Variants in KLF12 observed in about 807,000 individuals in gnomAD.
KLF12 encodes the protein Krueppel-like factor 12.
In KLF12, 9 loss-of-function variants were observed where a neutral mutation model predicts 37.8. That is an observed-to-expected ratio of 0.24 (90% CI 0.14 to 0.42). The LOEUF is 0.42. KLF12 is among the 10% of genes least tolerant of loss of function. KLF12 has a pLI of 1.00. For synonymous variants in KLF12, 208 were observed against 202.1 expected, an observed-to-expected ratio of 1.03 and a Z score of -0.25; for missense variants, 411 against 516.0, an observed-to-expected ratio of 0.80 and a Z score of 1.97.
At chr13:74,174,249 C>A in the KLF12 span, among the ~76,000 whole-genome samples, 1 of 151,958 alleles carries the variant, frequency 6.6e-6, no homozygotes, top group Non-Finnish European at 1.5e-5. Context: ...TGTCTATTGG[C>A]TCAAATTTAT....
intron 2 of KLF12, among the ~76,000 whole-genome samples, chr13:73,982,626 T>C (rs1002338184): frequency 6.6e-6 from 1 of 152,162 alleles, no homozygotes; most frequent in Non-Finnish European, 1.5e-5. Flanking sequence ...TTTATAATCA[T>C]AAATACACTT....
chr13:74,036,081 A>G (rs1193626372), intron 1 of KLF12, among the ~76,000 whole-genome samples: 2 of 151,228 alleles, frequency 1.3e-5, no homozygotes, highest in Non-Finnish European at 2.9e-5. Flanking sequence ...GCTCCTATAC[A>G]CTCCTATCCG....
In KLF12 at chr13:73,688,627, CG is replaced by C; in HGVS notation, c.*6862del. The C allele has an allele frequency of 6.6e-6, 1 of 152,128 alleles. No homozygotes were observed. The highest frequency in any genetic ancestry group is 2.4e-5 in the African/African-American group (1 of 41,428). 9.4% of individuals were successfully genotyped at this position (152,128 alleles called of 1,614,324 possible). On this transcript the variant is annotated 3_prime_UTR_variant, in exon 8 of 8. Transcript: ENST00000377669. ...ACATTTATGAGAAAAGTGACAAGTT[CG>C]GGGAGACAACTGGTTGCTATTGTTT...
intron 4 of KLF12, among the ~76,000 whole-genome samples, chr13:73,841,925 A>G (rs1884757951): frequency 6.6e-6 from 1 of 152,050 alleles, no homozygotes. Context: ...TGTTTACTAT[A>G]CCTTCTAGGA....
At chr13:74,194,245 A>T in the KLF12 span, among the ~76,000 whole-genome samples, 1 of 152,200 alleles carries the variant, frequency 6.6e-6, no homozygotes. Flanking sequence ...TGAGTTCTGG[A>T]ACCAGAATAT....
intron 2 of KLF12, among the ~76,000 whole-genome samples, chr13:73,946,062 C>T (rs997308651): frequency 6.6e-6 from 1 of 152,144 alleles, no homozygotes; most frequent in African/African-American, 2.4e-5. Flanking sequence ...AGCCGGCCAG[C>T]CCTCGACTCT....
intron 5 of KLF12, among the ~76,000 whole-genome samples, chr13:73,807,431 A>T (rs987689853): frequency 1.3e-5 from 2 of 152,204 alleles, no homozygotes; most frequent in African/African-American, 4.8e-5. Flanking sequence ...AGTACCAAAG[A>T]TAAGACTATA....
At chr13:73,790,914 GAA>G in intron 5 of KLF12, among the ~76,000 whole-genome samples, 1 of 152,170 alleles carries the variant, frequency 6.6e-6, no homozygotes. Flanking sequence ...TCTCTTCCAT[GAA>G]AGTCTCCCCT....
intron 5 of KLF12, among the ~76,000 whole-genome samples, chr13:73,789,837 C>T (rs1206311369): frequency 2.6e-5 from 4 of 152,026 alleles, no homozygotes; most frequent in African/African-American, 7.2e-5. Flanking sequence ...CCACTACGCC[C>T]GGTTTATTTT....
chr13:74,227,151 C>G, the KLF12 span, among the ~76,000 whole-genome samples: 6 of 152,278 alleles, frequency 3.9e-5, no homozygotes, highest in East Asian at 1.2e-3. Context: ...TTTCCTCAAA[C>G]ATGGCTCTCT....
chr13:74,174,934 A>G, the KLF12 span, among the ~76,000 whole-genome samples: 35,767 of 152,134 alleles, frequency 0.24, 7,166 homozygotes, highest in African/African-American at 0.55. Flanking sequence ...ATCAGAGGAT[A>G]TGTGGTCAGT....
At chr13:74,288,188 C>T in the KLF12 span, among the ~76,000 whole-genome samples, 1 of 152,158 alleles carries the variant, frequency 6.6e-6, no homozygotes, top group Admixed American at 6.5e-5. Flanking sequence ...TTGAGAGTTA[C>T]CGCAAAAGAA....
the KLF12 span, among the ~76,000 whole-genome samples, chr13:74,191,540 C>G: frequency 3.3e-5 from 5 of 152,190 alleles, no homozygotes; most frequent in South Asian, 8.3e-4. Context: ...TTAATGAGAG[C>G]CGCGTGCTTC....
At chr13:73,943,490 A>T (rs189858864) in intron 3 of KLF12, among the ~76,000 whole-genome samples, 13 of 152,324 alleles carry the variant, frequency 8.5e-5, no homozygotes, top group African/African-American at 2.6e-4. Flanking sequence ...AAATTTTTCA[A>T]ATTCAGTGAC....
chr13:74,208,263 T>C, the KLF12 span, among the ~76,000 whole-genome samples: 3 of 152,190 alleles, frequency 2.0e-5, no homozygotes, highest in Non-Finnish European at 2.9e-5. Flanking sequence ...GTCTAACCTA[T>C]ATCTTTGCAA....
At chr13:74,069,684 G>A (rs1380617831) in intron 1 of KLF12, among the ~76,000 whole-genome samples, 1 of 152,018 alleles carries the variant, frequency 6.6e-6, no homozygotes, top group Non-Finnish European at 1.5e-5. Context: ...AATGAACACA[G>A]GTAACAGAGG....
intron 6 of KLF12, among the ~76,000 whole-genome samples, chr13:73,733,276 A>G (rs1408314987): frequency 6.6e-6 from 1 of 152,138 alleles, no homozygotes; most frequent in Non-Finnish European, 1.5e-5. Context: ...ATCCTAACAG[A>G]AACTCTGTTT....
At chr13:73,903,325 A>C (rs1213858792) in intron 3 of KLF12, among the ~76,000 whole-genome samples, 4 of 152,220 alleles carry the variant, frequency 2.6e-5, no homozygotes, top group Non-Finnish European at 5.9e-5. Flanking sequence ...ACCGAGTCTA[A>C]AGTCTTATTA....
intron 5 of KLF12, among the ~76,000 whole-genome samples, chr13:73,812,281 G>C (rs913231270): frequency 2.0e-5 from 3 of 151,794 alleles, no homozygotes; most frequent in African/African-American, 7.3e-5. Context: ...GCAGATAGAA[G>C]AAGAAGAAAT....
Sources: allele counts gnomAD v4.1 joint callset (sites outside exome capture counted in the v4.1 genomes callset), GRCh38; gene constraint gnomAD v4.1.1; transcripts MANE v1.5; gene names NCBI Gene and HGNC (gene_info 2026-07-23, HGNC 2026-07-21).